The following SPIRE1 variants were observed in gnomAD, a reference collection of about 807,000 sequenced individuals.
The protein encoded by SPIRE1 is protein spire homolog 1.
SPIRE1 carries 40 observed loss-of-function variants against 94.1 expected under a neutral mutation model. That is an observed-to-expected ratio of 0.43 (90% CI 0.33 to 0.55). The LOEUF (loss-of-function observed/expected upper bound fraction) is 0.55. Among genes scored for constraint, SPIRE1 ranks in the 20% least tolerant of loss-of-function variants. The pLI, the probability that SPIRE1 is intolerant of heterozygous loss-of-function variation, is 0.06. For synonymous variants in SPIRE1, 376 were observed against 371.7 expected (o/e 1.01, Z -0.13); for missense variants, 838 against 975.2 (o/e 0.86, Z 1.87).
At chr18:12,636,713 T>A (rs769249575) in intron 1 of SPIRE1, among the ~76,000 whole-genome samples, 1 of 151,950 alleles carries the variant, frequency 6.6e-6, no homozygotes, top group African/African-American at 2.4e-5. Context: ...TAGCTAAGGG[T>A]TTATATAATA....
At chr18:12,601,010 C>G (rs534461560) in intron 2 of SPIRE1, among the ~76,000 whole-genome samples, 25 of 152,306 alleles carry the variant, frequency 1.6e-4, no homozygotes, top group African/African-American at 4.8e-4. Context: ...GCATGAGCCA[C>G]TTTGCCTGGC....
intron 7 of SPIRE1, among the ~76,000 whole-genome samples, chr18:12,494,493 T>C (rs914449218): frequency 7.3e-5 from 11 of 151,436 alleles, no homozygotes; most frequent in African/African-American, 2.2e-4. Flanking sequence ...ACAAAAATAA[T>C]ATAATTTACA....
At chr18:12,487,130 G>T (rs1293483487) in intron 8 of SPIRE1, among the ~76,000 whole-genome samples, 2 of 152,168 alleles carry the variant, frequency 1.3e-5, no homozygotes, top group African/African-American at 4.8e-5. Context: ...TGGGATTACA[G>T]GCATAAGCCA....
chr18:12,506,214 G>T (rs1416380394), intron 6 of SPIRE1, among the ~76,000 whole-genome samples: 1 of 152,114 alleles, frequency 6.6e-6, no homozygotes, highest in Non-Finnish European at 1.5e-5. Flanking sequence ...CTGGAGTGCA[G>T]TGGCTCGATC....
chr18:12,638,723 G>A (rs1474569275), intron 1 of SPIRE1, among the ~76,000 whole-genome samples: 1 of 152,116 alleles, frequency 6.6e-6, no homozygotes, highest in Non-Finnish European at 1.5e-5. Context: ...GTTTCTAATG[G>A]TGTAGCACCA....
chr18:12,628,657 G>A (rs2037696548), intron 2 of SPIRE1, among the ~76,000 whole-genome samples: 2 of 152,212 alleles, frequency 1.3e-5, no homozygotes, highest in Admixed American at 6.5e-5. Context: ...CCATTTTCAC[G>A]ATATTGATTC....
At chr18:12,454,563 CCT>C (rs1221638345) in intron 12 of SPIRE1, 80 bp from the exon 13 acceptor site, 134 of 1,309,726 alleles carry the variant, frequency 1.0e-4, no homozygotes, top group Admixed American at 2.8e-4. Context: ...AGATCAGACC[CCT>C]GATTAGTAGC....
intron 10 of SPIRE1, among the ~76,000 whole-genome samples, chr18:12,471,976 G>A (rs1213217301): frequency 6.6e-6 from 1 of 151,968 alleles, no homozygotes; most frequent in East Asian, 1.9e-4. Context: ...GTAGAGATGG[G>A]GTTTTGCCAT....
chr18:12,602,782 A>C (rs1346807086), intron 2 of SPIRE1, among the ~76,000 whole-genome samples: 3 of 152,182 alleles, frequency 2.0e-5, no homozygotes, highest in African/African-American at 7.2e-5. Context: ...TGCAGATTAC[A>C]ATTTGTAGGA....
intron 2 of SPIRE1, among the ~76,000 whole-genome samples, chr18:12,574,163 A>C (rs1485967149): frequency 6.6e-6 from 1 of 152,252 alleles, no homozygotes; most frequent in African/African-American, 2.4e-5. Flanking sequence ...AAAGTGACTT[A>C]AGATTATGTG....
At chr18:12,532,705 T>C (rs1368408107) in intron 4 of SPIRE1, among the ~76,000 whole-genome samples, 1 of 152,240 alleles carries the variant, frequency 6.6e-6, no homozygotes, top group Admixed American at 6.5e-5. Flanking sequence ...GCTGAAACCA[T>C]TTACATACAT....
At chr18:12,548,549 T>G (rs2035238686) in intron 2 of SPIRE1, among the ~76,000 whole-genome samples, 1 of 152,116 alleles carries the variant, frequency 6.6e-6, no homozygotes, top group South Asian at 2.1e-4. Flanking sequence ...TGAAAACATG[T>G]AATATTTTCA....
intron 2 of SPIRE1, among the ~76,000 whole-genome samples, chr18:12,622,944 T>G (rs2144750359): frequency 6.6e-6 from 1 of 152,312 alleles, no homozygotes; most frequent in Non-Finnish European, 1.5e-5. Flanking sequence ...GCTAACTCCT[T>G]CAAGCCAAGT....
intron 2 of SPIRE1, among the ~76,000 whole-genome samples, chr18:12,575,789 A>G (rs2036078683): frequency 6.6e-6 from 1 of 152,260 alleles, no homozygotes; most frequent in South Asian, 2.1e-4. Context: ...GAAATATACC[A>G]AATTTATGGA....
intron 8 of SPIRE1, among the ~76,000 whole-genome samples, chr18:12,489,333 G>A (rs1405299763): frequency 2.0e-5 from 3 of 152,130 alleles, no homozygotes; most frequent in Non-Finnish European, 4.4e-5. Context: ...ATTATGTATA[G>A]CAAATAAAGT....
chr18:12,644,143 G>C (rs1272489691), intron 1 of SPIRE1, among the ~76,000 whole-genome samples: 2 of 145,038 alleles, frequency 1.4e-5, no homozygotes, highest in African/African-American at 2.5e-5. Flanking sequence ...AGGTTGCAGT[G>C]AGTTGAGATC....
chr18:12,643,097 G>C (rs1054605369), intron 1 of SPIRE1, among the ~76,000 whole-genome samples: 4 of 151,416 alleles, frequency 2.6e-5, no homozygotes, highest in African/African-American at 9.8e-5. Flanking sequence ...AGGATAAATA[G>C]CTAAAAATGT....
rs576983511 is a variant in SPIRE1, at chr18:12,559,583, C to T, written c.373-12679G>A. Reference sequence around the variant, plus strand: ...GCTCCTCAAGCATGGCCAGAGTGGACGCCGTGGCCTGAGGAGGTGCCAAGA... The same window carrying T: ...GCTCCTCAAGCATGGCCAGAGTGGATGCCGTGGCCTGAGGAGGTGCCAAGA... On this transcript the variant is annotated intron_variant, in intron 2 of 16. Transcript: ENST00000409402. The surrounding 1 kb of genome is among the most constrained non-coding windows in gnomAD (Gnocchi z 4.7). Among the ~76,000 whole-genome samples, 246 of 152,306 alleles carry T rather than the reference C, an allele frequency of 1.6e-3. No homozygotes were observed. Among genetic ancestry groups the T allele is most frequent in the Non-Finnish European group, 3.0e-3 (202 of 68,018 alleles).
intron 4 of SPIRE1, among the ~76,000 whole-genome samples, chr18:12,513,912 G>A (rs1003991632): frequency 2.0e-5 from 3 of 152,010 alleles, no homozygotes; most frequent in Non-Finnish European, 4.4e-5. Flanking sequence ...ATGCAATTAC[G>A]GCTCACTGCA....
Sources: allele counts gnomAD v4.1 joint callset (sites outside exome capture counted in the v4.1 genomes callset), GRCh38; gene constraint gnomAD v4.1.1; non-coding constraint Gnocchi (gnomAD v3.1); transcripts MANE v1.5; gene names NCBI Gene and HGNC (gene_info 2026-07-23, HGNC 2026-07-21).